Variants in PHF2 observed in about 807,000 individuals in gnomAD.
PHF2 encodes PHD finger protein 2.
In PHF2, 27 loss-of-function variants were observed where a neutral mutation model predicts 120.5. The observed-to-expected ratio is 0.22, with a 90% CI of 0.17 to 0.31. The LOEUF (loss-of-function observed/expected upper bound fraction) is 0.31. Among genes scored for constraint, PHF2 ranks in the 10% least tolerant of loss-of-function variants. The pLI is 1.00. For synonymous variants in PHF2, 568 were observed against 592.5 expected, an observed-to-expected ratio of 0.96 and a Z score of 0.60; for missense variants, 1,024 against 1,434.8, an observed-to-expected ratio of 0.71 and a Z score of 4.63.
At chr9:93,590,675 A>G (rs1194636929) in intron 1 of PHF2, among the ~76,000 whole-genome samples, 5 of 152,228 alleles carry the variant, frequency 3.3e-5, no homozygotes. Flanking sequence ...GAATGTGCAC[A>G]TCTTACATCT....
intron 7 of PHF2, 125 bp downstream of exon 7, chr9:93,654,700 C>T (rs1171833717): frequency 3.2e-6 from 3 of 926,030 alleles, no homozygotes; most frequent in East Asian, 2.4e-5. Flanking sequence ...ATGCCTGCTC[C>T]CTTGTCCTGA....
intron 11 of PHF2, 47 bp downstream of exon 11, chr9:93,659,647 G>A: frequency 6.5e-7 from 1 of 1,547,632 alleles, no homozygotes; most frequent in Non-Finnish European, 8.9e-7. Context: ...GGATTGGGGA[G>A]GGCCCACCTG....
At chr9:93,618,784 TTGTATC>T (rs1825769538) in intron 1 of PHF2, among the ~76,000 whole-genome samples, 1 of 149,628 alleles carries the variant, frequency 6.7e-6, no homozygotes, top group African/African-American at 2.5e-5. Context: ...GTGTTTGTGT[TTGTATC>T]TGTGTATTTC....
chr9:93,621,717 C>G (rs1176257928), intron 1 of PHF2, among the ~76,000 whole-genome samples: 1 of 152,126 alleles, frequency 6.6e-6, no homozygotes, highest in African/African-American at 2.4e-5. Context: ...CTCGGCCTTC[C>G]CCCCTGTAAA....
intron 4 of PHF2, among the ~76,000 whole-genome samples, chr9:93,647,201 C>G (rs183625192): frequency 6.6e-6 from 1 of 152,322 alleles, no homozygotes; most frequent in Non-Finnish European, 1.5e-5. Context: ...AGGATAACAG[C>G]TAATATATAG....
At chr9:93,630,937 A>G (rs1825991181) in intron 2 of PHF2, among the ~76,000 whole-genome samples, 1 of 152,112 alleles carries the variant, frequency 6.6e-6, no homozygotes, top group Non-Finnish European at 1.5e-5. Flanking sequence ...TGCTGACCTG[A>G]GCCCTGGACA....
intron 4 of PHF2, among the ~76,000 whole-genome samples, chr9:93,647,992 G>A (rs995463931): frequency 1.8e-4 from 27 of 151,902 alleles, no homozygotes; most frequent in Admixed American, 3.3e-4. Context: ...TTCTATCATC[G>A]CACTCGATAA....
intron 1 of PHF2, 113 bp downstream of exon 1, chr9:93,576,984 G>A (rs543152850): frequency 0.026 from 6,618 of 258,210 alleles, 129 homozygotes; most frequent in African/African-American, 0.05. Flanking sequence ...ACGGGCCGCC[G>A]CCGCCGCCGC....
intron 1 of PHF2, among the ~76,000 whole-genome samples, chr9:93,581,283 C>G (rs1432447869): frequency 6.6e-6 from 1 of 152,144 alleles, no homozygotes; most frequent in African/African-American, 2.4e-5. Context: ...GCTGTGGCCT[C>G]GCGCTGCAGG....
chr9:93,591,028 T>C (rs944818095), intron 1 of PHF2, among the ~76,000 whole-genome samples: 1 of 152,204 alleles, frequency 6.6e-6, no homozygotes, highest in Non-Finnish European at 1.5e-5. Context: ...CCTGGTTAGG[T>C]GGCAGACTGC....
chr9:93,579,010 G>T (rs1454917900), intron 1 of PHF2, among the ~76,000 whole-genome samples: 1 of 152,204 alleles, frequency 6.6e-6, no homozygotes, highest in African/African-American at 2.4e-5. Flanking sequence ...ACCCTACAGG[G>T]AGAAAGCCTC....
At chr9:93,650,211 A>C (rs894639457) in intron 5 of PHF2, among the ~76,000 whole-genome samples, 1 of 151,716 alleles carries the variant, frequency 6.6e-6, no homozygotes, top group African/African-American at 2.4e-5. Context: ...ACACACTCAC[A>C]TGACATAGAC....
intron 1 of PHF2, among the ~76,000 whole-genome samples, chr9:93,598,372 C>T (rs771495388): frequency 1.3e-5 from 2 of 152,190 alleles, no homozygotes; most frequent in Non-Finnish European, 2.9e-5. Context: ...TGGTTCTCAT[C>T]CTACCAGAGG....
chr9:93,578,588 G>C lies in PHF2; in HGVS notation c.98+1717G>C, dbSNP rs1039305073. ...CAGCTCCTGGCTGCTGCCCACACTC[G>C]GGGCCCAGAGTAGGGAGAGTGAGAG... On this transcript the variant is annotated intron_variant, in intron 1 of 21. Transcript: ENST00000359246. 2.6e-5 allele frequency among the ~76,000 whole-genome samples: 4 copies of C among 152,182 alleles called. No homozygotes were observed. In the East Asian group the frequency reaches 7.7e-4, roughly 29 times the overall value.
At chr9:93,650,014 CG>C (rs200750026) in intron 5 of PHF2, among the ~76,000 whole-genome samples, 2,548 of 151,830 alleles carry the variant, frequency 0.017, 33 homozygotes, top group Middle Eastern at 0.045. Context: ...CTCACACTCA[CG>C]GACACACTCG....
intron 1 of PHF2, among the ~76,000 whole-genome samples, chr9:93,611,572 G>A (rs1338424918): frequency 6.6e-6 from 1 of 152,222 alleles, no homozygotes; most frequent in East Asian, 1.9e-4. Context: ...GTGCAGTGGT[G>A]TGGTCATAGC....
chr9:93,584,340 T>A (rs1161453732), intron 1 of PHF2, among the ~76,000 whole-genome samples: 1 of 152,226 alleles, frequency 6.6e-6, no homozygotes, highest in Non-Finnish European at 1.5e-5. Flanking sequence ...AATTACAGGT[T>A]TACTTCTGTG....
At chr9:93,629,904 C>G in intron 1 of PHF2, 66 bp from the exon 2 acceptor site, 3 of 1,487,342 alleles carry the variant, frequency 2.0e-6, no homozygotes, top group Non-Finnish European at 2.8e-6. Flanking sequence ...CCTAGAGCTT[C>G]GCAGATGGAA....
At chr9:93,609,785 C>T (rs183114858) in intron 1 of PHF2, among the ~76,000 whole-genome samples, 12 of 152,238 alleles carry the variant, frequency 7.9e-5, no homozygotes, top group Non-Finnish European at 1.3e-4. Context: ...TCACTGCAAC[C>T]TCCTGGGTTG....
Sources: allele counts gnomAD v4.1 joint callset (sites outside exome capture counted in the v4.1 genomes callset), GRCh38; gene constraint gnomAD v4.1.1; transcripts MANE v1.5; gene names NCBI Gene and HGNC (gene_info 2026-07-23, HGNC 2026-07-21).